The following CDH9 variants were observed in gnomAD, a reference collection of about 807,000 sequenced individuals.
CDH9 encodes the protein cadherin-9.
In CDH9, 28 loss-of-function variants were observed where a neutral mutation model predicts 70.9. That is an observed-to-expected ratio of 0.40 (90% CI 0.29 to 0.54). CDH9 has a LOEUF of 0.54. Among genes scored for constraint, CDH9 ranks in the 20% least tolerant of loss-of-function variants. CDH9 has a pLI of 0.59. For synonymous variants in CDH9, 409 were observed against 343.1 expected (o/e 1.19, Z -2.12); for missense variants, 874 against 984.4 (o/e 0.89, Z 1.50).
At chr5:26,960,194 A>G (rs1742011128) in intron 2 of CDH9, among the ~76,000 whole-genome samples, 1 of 152,020 alleles carries the variant, frequency 6.6e-6, no homozygotes, top group Non-Finnish European at 1.5e-5. Context: ...TCTGAACAAT[A>G]GACTTTCTAG....
chr5:26,944,179 A>T (rs10078687), intron 2 of CDH9, among the ~76,000 whole-genome samples: 1 of 151,562 alleles, frequency 6.6e-6, no homozygotes. Context: ...ACTTCCTCCA[A>T]TGTAATCACA....
At chr5:26,958,727 A>G (rs904584298) in intron 2 of CDH9, among the ~76,000 whole-genome samples, 2 of 152,204 alleles carry the variant, frequency 1.3e-5, no homozygotes, top group Non-Finnish European at 2.9e-5. Flanking sequence ...ATGTAAAAGA[A>G]TTCACTGTAA....
At chr5:26,975,470 T>C (rs1248378964) in intron 2 of CDH9, among the ~76,000 whole-genome samples, 2 of 152,194 alleles carry the variant, frequency 1.3e-5, no homozygotes, top group Non-Finnish European at 2.9e-5. Flanking sequence ...AAATAGTAAG[T>C]ATAGCTTTGG....
chr5:27,010,259 C>T (rs536279493), intron 1 of CDH9, among the ~76,000 whole-genome samples: 26 of 152,184 alleles, frequency 1.7e-4, no homozygotes, highest in East Asian at 5.8e-4. Context: ...TGGTAACCCC[C>T]ATTCTACTTT....
intron 9 of CDH9, among the ~76,000 whole-genome samples, chr5:26,886,804 A>G (rs952032517): frequency 5.3e-5 from 8 of 152,162 alleles, no homozygotes; most frequent in Non-Finnish European, 1.2e-4. Flanking sequence ...AATATGGAAC[A>G]GCCAACTATG....
chr5:26,900,350 C>T (rs780158419), intron 7 of CDH9, among the ~76,000 whole-genome samples: 13 of 151,986 alleles, frequency 8.6e-5, no homozygotes, highest in Admixed American at 2.0e-4. Context: ...AGCAGTACTT[C>T]CATTTTACCA....
rs1740536603 is a variant in CDH9, at chr5:26,884,980, T to C, written c.1882+634A>G. 2.0e-5 allele frequency among the ~76,000 whole-genome samples: 3 copies of C among 152,186 alleles called. No individual in the cohort carries two copies. The South Asian group carries it at 6.2e-4, about 32-fold the overall frequency. On this transcript the variant is annotated intron_variant, in intron 11 of 11. Coordinates refer to ENST00000231021, the MANE Select transcript of CDH9 (RefSeq NM_016279.4). ...TAGTGATATTTTTTAAAACAGAATT[T>C]TAATTTTTTAATTTGTTATGTCACA...
At chr5:26,951,292 A>C (rs1240450739) in intron 2 of CDH9, among the ~76,000 whole-genome samples, 1 of 20,298 alleles carries the variant, frequency 4.9e-5, no homozygotes, top group Non-Finnish European at 1.1e-4. Flanking sequence ...ACTCTGTCTC[A>C]AAAAAAAAAA....
intron 2 of CDH9, among the ~76,000 whole-genome samples, chr5:26,926,825 AC>A (rs1253502272): frequency 6.6e-6 from 1 of 151,968 alleles, no homozygotes; most frequent in East Asian, 1.9e-4. Flanking sequence ...GACAAACCTG[AC>A]AAAAACAAGA....
In CDH9 at chr5:26,931,714, G is replaced by A. The variant is rs75165404; in HGVS notation, c.229-15790C>T. ...CACTTAGGAAGTACCAGAAGAATGC[G>A]TGCTATGAAATATATGTATACGAAG... On this transcript the variant is annotated intron_variant, in intron 2 of 11. Transcript: ENST00000231021. Among the ~76,000 whole-genome samples the A allele has an allele frequency of 1.4e-4, 22 of 152,134 alleles. No homozygotes were observed. The East Asian group carries it at 1.5e-3, about 11-fold the overall frequency.
intron 2 of CDH9, among the ~76,000 whole-genome samples, chr5:26,977,912 T>C (rs1742330084): frequency 6.6e-6 from 1 of 152,060 alleles, no homozygotes; most frequent in South Asian, 2.1e-4. Context: ...AGTAGAGTAA[T>C]AACTTAAGAT....
chr5:26,899,374 T>C (rs944713052), intron 7 of CDH9, among the ~76,000 whole-genome samples: 3 of 152,190 alleles, frequency 2.0e-5, no homozygotes, highest in African/African-American at 7.2e-5. Context: ...TGCACACTTA[T>C]GTTTATTGCA....
chr5:26,897,791 T>G (rs924765124), intron 7 of CDH9, among the ~76,000 whole-genome samples: 1 of 152,006 alleles, frequency 6.6e-6, no homozygotes, highest in Non-Finnish European at 1.5e-5. Context: ...CCACTCCTAT[T>G]CATTCAACAT....
At chr5:26,961,581 T>A (rs1183460784) in intron 2 of CDH9, among the ~76,000 whole-genome samples, 1 of 152,158 alleles carries the variant, frequency 6.6e-6, no homozygotes, top group Non-Finnish European at 1.5e-5. Context: ...GATACCTATA[T>A]TCTATCACTT....
At chr5:26,921,771 G>T (rs948661711) in intron 2 of CDH9, among the ~76,000 whole-genome samples, 1 of 152,018 alleles carries the variant, frequency 6.6e-6, no homozygotes, top group Non-Finnish European at 1.5e-5. Context: ...TCTTCCAAGT[G>T]AGTCTAAGAA....
At chr5:26,977,501 A>G (rs762750958) in intron 2 of CDH9, among the ~76,000 whole-genome samples, 5 of 150,360 alleles carry the variant, frequency 3.3e-5, no homozygotes, top group Non-Finnish European at 5.9e-5. Flanking sequence ...ATATATATAT[A>G]TATATATGGC....
intron 2 of CDH9, among the ~76,000 whole-genome samples, chr5:26,974,355 T>A (rs565181373): frequency 1.3e-5 from 2 of 152,168 alleles, no homozygotes; most frequent in South Asian, 2.1e-4. Flanking sequence ...GCTTTTTTTT[T>A]ATCTTTGTAG....
intron 3 of CDH9, among the ~76,000 whole-genome samples, chr5:26,913,936 A>C (rs910518911): frequency 6.6e-6 from 1 of 152,084 alleles, no homozygotes; most frequent in African/African-American, 2.4e-5. Context: ...TAGTCCATTA[A>C]GTATCAGAAA....
rs1013342098 is a variant in CDH9 at position 26,988,397 on chromosome 5, G to GA, written c.-49-16dup. On this transcript the variant is annotated splice_polypyrimidine_tract_variant and intron_variant, in intron 1 of 11. Coordinates refer to ENST00000231021, the MANE Select transcript of CDH9 (RefSeq NM_016279.4). ...GTTTGTTTTTCCTAAAGAGTAAGGA[G>GA]AAAAAAAATGGCTGTATTAGCTTGA... 486 of 1,552,414 alleles carry GA rather than the reference G, an allele frequency of 3.1e-4. 1 individual carries two copies. The Middle Eastern group carries it at 3.1e-3, about 10-fold the overall frequency.
Sources: gnomAD v4.1 joint callset for allele counts (sites outside exome capture counted in the v4.1 genomes callset) on GRCh38, gnomAD v4.1.1 for gene constraint, MANE v1.5 for transcripts, NCBI Gene and HGNC (gene_info 2026-07-23, HGNC 2026-07-21) for gene names.